The following ILDR2 variants were observed in gnomAD, a reference collection of about 807,000 sequenced individuals.
ILDR2 encodes the protein immunoglobulin-like domain-containing receptor 2.
ILDR2 carries 25 observed loss-of-function variants against 66.8 expected under a neutral mutation model. That is an observed-to-expected ratio of 0.37 (90% CI 0.27 to 0.52). ILDR2 has a LOEUF of 0.52. Ranked by LOEUF, ILDR2 falls within the 20% of genes least tolerant of loss-of-function variation. The probability of loss-of-function intolerance (pLI) is 0.88; values close to 1 mark genes in which losing one functional copy is unlikely to be tolerated. For missense variants in ILDR2, 827 were observed against 876.8 expected (o/e 0.94, Z 0.72); for synonymous variants, 367 against 357.2 (o/e 1.03, Z -0.31).
At chr1:166,896,023 C>T (rs1223680171) in exon 3 of ILDR2, 2 of 152,186 alleles carry the variant, frequency 1.3e-5, no homozygotes, top group African/African-American at 4.8e-5. Flanking sequence ...AAGGGCACCT[C>T]TCAAATGAGG....
downstream of ILDR2, among the ~76,000 whole-genome samples, chr1:166,905,785 A>C (rs1169513530): frequency 6.6e-6 from 1 of 152,196 alleles, no homozygotes; most frequent in Non-Finnish European, 1.5e-5. Flanking sequence ...CATCAGTTGG[A>C]GTGAGCAGCC....
intron 1 of ILDR2, among the ~76,000 whole-genome samples, chr1:166,967,294 T>C (rs1663014002): frequency 6.6e-6 from 1 of 152,166 alleles, no homozygotes; most frequent in African/African-American, 2.4e-5. Context: ...TCCCCACAGA[T>C]TTGGACTCTT....
chr1:166,966,198 C>T (rs1349129926), intron 1 of ILDR2, among the ~76,000 whole-genome samples: 1 of 152,074 alleles, frequency 6.6e-6, no homozygotes, highest in Non-Finnish European at 1.5e-5. Flanking sequence ...TGGAATCTGC[C>T]TATTTTCTGA....
rs550381640 is a variant in ILDR2, at chr1:166,955,825, G to A, written c.499+908C>T. 2.0e-5 allele frequency among the ~76,000 whole-genome samples: 3 copies of A among 152,198 alleles called. No individual in the cohort carries two copies. The South Asian group carries it at 6.2e-4, about 32-fold the overall frequency. On this transcript the variant is annotated intron_variant, in intron 3 of 9. Transcript: ENST00000271417. ...CAACCTCATTTACTTTTAATAGGAG[G>A]CACCCTTACAAATTACTCCAAATTG...
rs568437974 is a variant in ILDR2 at position 166,917,671 on chromosome 1, G to A, written c.*1684C>T. 1 of 152,212 alleles carries A rather than the reference G, an allele frequency of 6.6e-6. No homozygotes were observed. The highest frequency in any genetic ancestry group is 1.5e-5 in the Non-Finnish European group (1 of 68,048). The allele number at this position is 152,212 out of a possible 1,614,324, so 9.4% of individuals were successfully genotyped here. ...GAACATTCAGACAAGAACGAGTCAG[G>A]TTTGTTCTTAAAGAGAAATGAACAT... On this transcript the variant is annotated 3_prime_UTR_variant, in exon 10 of 10. Transcript: ENST00000271417.
At chr1:166,967,107 G>A (rs1291366795) in intron 1 of ILDR2, among the ~76,000 whole-genome samples, 1 of 152,220 alleles carries the variant, frequency 6.6e-6, no homozygotes, top group Admixed American at 6.5e-5. Flanking sequence ...TTAGCTAAGT[G>A]TGGCCATGTG....
At chr1:166,939,423 T>C in intron 4 of ILDR2, 91 bp downstream of exon 4, 2 of 1,044,922 alleles carry the variant, frequency 1.9e-6, no homozygotes, top group Non-Finnish European at 3.0e-6. Context: ...AATGTGGCAA[T>C]AAAGTAAAGA....
In ILDR2 at chr1:166,908,755, G is replaced by A. The variant is rs1294432656; in HGVS notation, c.*10600C>T. 6.6e-6 allele frequency: 1 copy of A among 152,254 alleles called. No homozygotes were observed. Among genetic ancestry groups the A allele is most frequent in the African/African-American group, 2.4e-5 (1 of 41,458 alleles). The allele number at this position is 152,254 out of a possible 1,614,324, so 9.4% of individuals were successfully genotyped here. A position where few individuals can be genotyped will look rare whatever the true frequency, so the allele number is the denominator to read the frequency against. On this transcript the variant is annotated 3_prime_UTR_variant, in exon 10 of 10. Coordinates refer to ENST00000271417, the MANE Select transcript of ILDR2 (RefSeq NM_199351.3). The stretch of plus-strand genomic sequence containing the variant: ...GATTTCTAAATTCAGAACGAGACAA[G>A]TATAACCAAGGACATTCACTGGTAT...
intron 6 of ILDR2, among the ~76,000 whole-genome samples, chr1:166,931,923 A>G (rs1217586520): frequency 2.6e-5 from 4 of 152,244 alleles, no homozygotes; most frequent in African/African-American, 9.6e-5. Flanking sequence ...CAAAACACCC[A>G]GGTGGAGATG....
At chr1:166,938,738 C>G (rs1273544601) in intron 4 of ILDR2, among the ~76,000 whole-genome samples, 1 of 152,170 alleles carries the variant, frequency 6.6e-6, no homozygotes. Flanking sequence ...AAAACTTTGG[C>G]AGAAACCCTC....
intron 1 of ILDR2, among the ~76,000 whole-genome samples, chr1:166,967,947 G>C (rs1663058417): frequency 6.6e-6 from 1 of 152,090 alleles, no homozygotes. Flanking sequence ...TCCTCACTGT[G>C]CCATGTGAGT....
intron 3 of ILDR2, among the ~76,000 whole-genome samples, chr1:166,950,832 GA>G (rs1167152064): frequency 6.6e-6 from 1 of 151,490 alleles, no homozygotes; most frequent in South Asian, 2.1e-4. Context: ...GGAGATAGAA[GA>G]AAAAAATAGG....
chr1:166,961,149 G>A (rs1270813114), intron 1 of ILDR2, among the ~76,000 whole-genome samples: 1 of 152,318 alleles, frequency 6.6e-6, no homozygotes, highest in South Asian at 2.1e-4. Context: ...ACATGTGCAG[G>A]TCTGTTACAT....
At chr1:166,961,465 A>C (rs1271657190) in intron 1 of ILDR2, among the ~76,000 whole-genome samples, 2 of 152,214 alleles carry the variant, frequency 1.3e-5, no homozygotes, top group African/African-American at 4.8e-5. Flanking sequence ...ATTCTCAGAA[A>C]CATCTGCCTT....
chr1:166,966,390 T>TA (rs762483828), intron 1 of ILDR2, among the ~76,000 whole-genome samples: 11 of 152,200 alleles, frequency 7.2e-5, no homozygotes, highest in Non-Finnish European at 1.6e-4. Flanking sequence ...AAAAACATGA[T>TA]AGTGTTTTCG....
In ILDR2 at chr1:166,975,234, A is replaced by G. The variant is rs1384520775; in HGVS notation, c.35T>C (p.Phe12Ser). 1 of 1,612,948 alleles carries G rather than the reference A, an allele frequency of 6.2e-7. No individual in the cohort carries two copies. The highest frequency in any genetic ancestry group is 8.5e-7 in the Non-Finnish European group (1 of 1,179,186). ...AAAAGGACTCTTACCTGTTAGCCAG[A>G]AGAGAGAAATCCACCTCAGCAAGAC... is the stretch of plus-strand genomic sequence containing the variant. ...DRVLLRWISL[F>S]WLTAMVEGLQ... The change falls in exon 1 of 10, where the codon TTC becomes TCC. Residue 12 changes from phenylalanine (F) to serine (S), a missense_variant. Transcript: ENST00000271417.
chr1:166,951,429 C>G (rs577087716), intron 3 of ILDR2, among the ~76,000 whole-genome samples: 1 of 152,148 alleles, frequency 6.6e-6, no homozygotes, highest in Non-Finnish European at 1.5e-5. Context: ...GGAATACCCC[C>G]GGATTTATCT....
At chr1:166,932,793 A>G (rs1003770539) in intron 6 of ILDR2, among the ~76,000 whole-genome samples, 41 of 152,374 alleles carry the variant, frequency 2.7e-4, no homozygotes, top group African/African-American at 9.6e-4. Context: ...TGTAATCTGA[A>G]AAATTACTGT....
intron 2 of ILDR2, among the ~76,000 whole-genome samples, chr1:166,897,758 A>G (rs2101810745): frequency 6.6e-6 from 1 of 151,792 alleles, no homozygotes; most frequent in South Asian, 2.1e-4. Context: ...CACATTTGGG[A>G]CCTCCCCAGG....
Sources: allele counts gnomAD v4.1 joint callset (sites outside exome capture counted in the v4.1 genomes callset), GRCh38; gene constraint gnomAD v4.1.1; transcripts MANE v1.5; gene names NCBI Gene and HGNC (gene_info 2026-07-23, HGNC 2026-07-21).